NKIRAS2: variants seen among roughly 807,000 people sequenced by gnomAD.
The protein encoded by NKIRAS2 is NF-kappa-B inhibitor-interacting Ras-like protein 2.
In NKIRAS2, 15 loss-of-function variants were observed where a neutral mutation model predicts 20.7. The observed-to-expected ratio is 0.73, with a 90% confidence interval of 0.49 to 1.12. The LOEUF (loss-of-function observed/expected upper bound fraction) is 1.12. Ranked by LOEUF, NKIRAS2 falls within the 50% of genes most tolerant of loss-of-function variation. NKIRAS2 has a pLI of 0.00. For missense variants in NKIRAS2, 196 were observed against 249.6 expected, an observed-to-expected ratio of 0.79 and a Z score of 1.45; for synonymous variants, 116 against 101.4, an observed-to-expected ratio of 1.14 and a Z score of -0.87.
chr17:42,019,635 T>C (rs2052392840), upstream of NKIRAS2, among the ~76,000 whole-genome samples: 1 of 152,210 alleles, frequency 6.6e-6, no homozygotes, highest in South Asian at 2.1e-4. Context: ...CCCCAGGCCC[T>C]TCAGTGTCTG....
Position 42,023,595 on chromosome 17 carries a change from A to C in NKIRAS2, c.337-59A>C, listed in dbSNP as rs1315413409. 3.9e-6 allele frequency: 6 copies of C among 1,539,698 alleles called. No individual in the cohort carries two copies. The East Asian group carries it at 1.4e-4, about 35-fold the overall frequency. On this transcript the variant is annotated intron_variant, in intron 3 of 3. Transcript: ENST00000393885. ...AACTCCTAGGTGGTTGCCAGCCCCC[A>C]TGTCCATTCCTGGTTCTATGGTACA...
chr17:42,021,043 TC>T (rs2052434464), intron 1 of NKIRAS2: 1 of 157,494 alleles, frequency 6.3e-6, no homozygotes, highest in South Asian at 1.8e-4. Flanking sequence ...CCCCAGATTA[TC>T]CTTTTTATTT....
chr17:42,022,888 G>C, intron 3 of NKIRAS2: 3 of 447,026 alleles, frequency 6.7e-6, no homozygotes, highest in Non-Finnish European at 1.2e-5. Context: ...TTTAGTTGTT[G>C]AAGGGGTCAC....
chr17:42,023,481 G>GA (rs1409376185), intron 3 of NKIRAS2, among the ~76,000 whole-genome samples, 173 bp from the exon 4 acceptor site: 59 of 152,124 alleles, frequency 3.9e-4, no homozygotes, highest in African/African-American at 1.4e-3. Context: ...AGAGGAAAGA[G>GA]AAAAAAAGCA....
Position 42,024,023 on chromosome 17 carries a change from C to G in NKIRAS2, c.*130C>G. On this transcript the variant is annotated 3_prime_UTR_variant, in exon 4 of 4. Coordinates refer to ENST00000393885, the MANE Select transcript of NKIRAS2 (RefSeq NM_017595.6). ...CCAGGGAGCTCCCCGCCAGGCCACG[C>G]CCCAGCCACTTTGCTCCCTCTCACC... is the stretch of plus-strand genomic sequence containing the variant. 7.1e-7 allele frequency: 1 copy of G among 1,413,324 alleles called. No individual in the cohort carries two copies. The highest frequency in any genetic ancestry group is 2.5e-5 in the East Asian group (1 of 40,700). The allele number at this position is 1,413,324 out of a possible 1,614,324, so 87.5% of individuals were successfully genotyped here.
At chr17:42,019,351 A>G (rs782813435), upstream of NKIRAS2, among the ~76,000 whole-genome samples, 3 of 152,146 alleles carry the variant, frequency 2.0e-5, no homozygotes, top group Non-Finnish European at 4.4e-5. Flanking sequence ...ATCGGTCTCT[A>G]ATTTCATCTC....
intron 2 of NKIRAS2, 58 bp downstream of exon 2, chr17:42,021,729 C>A: frequency 6.8e-7 from 1 of 1,468,800 alleles, no homozygotes; most frequent in Non-Finnish European, 9.5e-7. Context: ...AGGAATAGGA[C>A]TTGATCACAA....
upstream of NKIRAS2, chr17:42,017,695 C>T (rs1426347575): frequency 1.8e-5 from 10 of 550,156 alleles, no homozygotes; most frequent in Non-Finnish European, 3.2e-5. Flanking sequence ...CTCTCTAGGG[C>T]TTGGCTGCTT....
Position 42,024,007 on chromosome 17 carries a change from T to C in NKIRAS2, c.*114T>C. 6.8e-7 allele frequency: 1 copy of C among 1,472,102 alleles called. No individual in the cohort carries two copies. The highest frequency in any genetic ancestry group is 9.0e-7 in the Non-Finnish European group (1 of 1,112,598). The allele number at this position is 1,472,102 out of a possible 1,614,324, so 91.2% of individuals were successfully genotyped here. A position where few individuals can be genotyped will look rare whatever the true frequency, so the allele number is the denominator to read the frequency against. On this transcript the variant is annotated 3_prime_UTR_variant, in exon 4 of 4. Transcript: ENST00000393885. ...TGTCTTTCCCAGTCAGCCAGGGAGCTCCCCGCCAGGCCACGCCCCAGCCAC... is the reference window on the plus strand; with the variant it reads ...TGTCTTTCCCAGTCAGCCAGGGAGCCCCCCGCCAGGCCACGCCCCAGCCAC...
At chr17:42,021,452 C>G (rs1598168953) in intron 1 of NKIRAS2, 112 bp from the exon 2 acceptor site, 1 of 809,570 alleles carries the variant, frequency 1.2e-6, no homozygotes, top group Admixed American at 1.9e-5. Context: ...GACGTTCTGC[C>G]TTCTGTTTTT....
In NKIRAS2 at chr17:42,022,456, G is replaced by T. The variant is rs781878749; in HGVS notation, c.152G>T (p.Arg51Leu). 3 of 1,609,536 alleles carry T rather than the reference G, an allele frequency of 1.9e-6. No individual in the cohort carries two copies. The highest frequency in any genetic ancestry group is 2.6e-6 in the Non-Finnish European group (3 of 1,176,372). ...TACGTGGGCTCCATTGAGACAGACC[G>T]GGGGGTGCGAGAGCAGGTGCGTTTC... ...DIYVGSIETD[R>L]GVREQVRFYD... Residue 51 changes from arginine to leucine, a missense_variant, in exon 3 of 4, where the codon CGG becomes CTG. By Grantham distance (102) the Arg-to-Leu change is moderately radical. Transcript: ENST00000393885.
Position 42,022,573 on chromosome 17 carries a change from G to T in NKIRAS2, c.269G>T (p.Ser90Ile). ...DGYVLVYSTD[S>I]RESFQRVELL... ...TACGTCCTGGTCTATAGCACAGATA[G>T]CAGAGAGTCTTTTCAGCGTGTGGAG... The change falls in exon 3 of 4, where the codon AGC becomes ATC. Residue 90 changes from serine to isoleucine, a missense_variant. Ser to Ile is a moderately radical substitution (Grantham distance 142). Transcript: ENST00000393885. The T allele has an allele frequency of 1.9e-6, 3 of 1,614,130 alleles. No homozygotes were observed. The African/African-American group carries it at 4.0e-5, about 22-fold the overall frequency.
chr17:42,021,384 C>G (rs969038141), intron 1 of NKIRAS2, 180 bp from the exon 2 acceptor site: 10 of 573,814 alleles, frequency 1.7e-5, no homozygotes, highest in Admixed American at 3.0e-5. Context: ...GGTGCTGAAA[C>G]CCTGGAACTA....
chr17:42,018,633 C>G (rs2052370351), upstream of NKIRAS2: 1 of 152,194 alleles, frequency 6.6e-6, no homozygotes, highest in Non-Finnish European at 1.5e-5. Context: ...TGTGAGGGCA[C>G]AAGACTTACA....
At position 42,025,198 on chromosome 17, in the gene NKIRAS2, G is replaced by C. The variant is rs554052695; in HGVS notation, c.*1305G>C. ...CTCTTTATCCTGCCTGTGGTTTTCA[G>C]CTCAGAGCTGGACTTCTATTTATAA... On this transcript the variant is annotated 3_prime_UTR_variant, in exon 4 of 4. Transcript: ENST00000393885. 61 of 152,742 alleles carry C rather than the reference G, an allele frequency of 4.0e-4. No homozygotes were observed. Among genetic ancestry groups the C allele is most frequent in the African/African-American group, 1.4e-3 (60 of 41,560 alleles). The allele number at this position is 152,742 out of a possible 1,614,324, so 9.5% of individuals were successfully genotyped here.
At chr17:42,017,598 G>T (rs2052341641), upstream of NKIRAS2, 1 of 730,980 alleles carries the variant, frequency 1.4e-6, no homozygotes, top group Non-Finnish European at 2.2e-6. Flanking sequence ...TGGTCTCCGC[G>T]CCGGGGCGGG....
At position 42,023,733 on chromosome 17, in the gene NKIRAS2, C is replaced by T; in HGVS notation, c.416C>T (p.Ala139Val). ...GACCCAGATGTGGCTCAGCACTGGGCCAAGTCAGAGAAGGTGAAGCTGTGG... is the reference window on the plus strand; with the variant it reads ...GACCCAGATGTGGCTCAGCACTGGGTCAAGTCAGAGAAGGTGAAGCTGTGG... ...RVDPDVAQHW[A>V]KSEKVKLWEV... is the part of the protein sequence containing the mutation. The change falls in exon 4 of 4, where the codon GCC becomes GTC. Residue 139 changes from alanine to valine, a missense_variant. Ala to Val is a moderately conservative substitution (Grantham distance 64). Coordinates refer to ENST00000393885, the MANE Select transcript of NKIRAS2 (RefSeq NM_017595.6). 1 of 1,614,058 alleles carries T rather than the reference C, an allele frequency of 6.2e-7. No homozygotes were observed.
upstream of NKIRAS2, among the ~76,000 whole-genome samples, chr17:42,019,476 G>T (rs1555652632): frequency 6.6e-6 from 1 of 152,094 alleles, no homozygotes; most frequent in East Asian, 1.9e-4. Flanking sequence ...ACCACACAAA[G>T]CCTTTGATTA....
chr17:42,025,290 C>T lies in NKIRAS2; in HGVS notation c.*1397C>T, dbSNP rs1416791047. On this transcript the variant is annotated 3_prime_UTR_variant, in exon 4 of 4. Coordinates refer to ENST00000393885, the MANE Select transcript of NKIRAS2 (RefSeq NM_017595.6). ...GGCTGGACAAGGTGCTCCTCTGGCC[C>T]CTCCTTCTTACCTCAGATGCCTGAA... 1 of 152,662 alleles carries T rather than the reference C, an allele frequency of 6.6e-6. No homozygotes were observed. Among genetic ancestry groups the T allele is most frequent in the Admixed American group, 6.5e-5 (1 of 15,282 alleles). The allele number at this position is 152,662 out of a possible 1,614,324, so 9.5% of individuals were successfully genotyped here. A position where few individuals can be genotyped will look rare whatever the true frequency, so the allele number is the denominator to read the frequency against.
Sources: allele counts gnomAD v4.1 joint callset (sites outside exome capture counted in the v4.1 genomes callset), GRCh38; gene constraint gnomAD v4.1.1; transcripts MANE v1.5; gene names NCBI Gene and HGNC (gene_info 2026-07-23, HGNC 2026-07-21).